The following DOCK4 variants were observed in gnomAD, a reference collection of about 807,000 sequenced individuals.
The protein encoded by DOCK4 is dedicator of cytokinesis 4, also known as dedicator of cytokinesis protein 4.
In DOCK4, 97 loss-of-function variants were observed where a neutral mutation model predicts 268.1. The observed-to-expected ratio is 0.36, with a 90% confidence interval of 0.31 to 0.43. The LOEUF is 0.43. DOCK4 is among the 20% of genes least tolerant of loss of function. The pLI, the probability that DOCK4 is intolerant of heterozygous loss-of-function variation, is 1.00. For synonymous variants in DOCK4, 954 were observed against 887.2 expected, an observed-to-expected ratio of 1.08 and a Z score of -1.34; for missense variants, 2,145 against 2,455.7, an observed-to-expected ratio of 0.87 and a Z score of 2.67.
intron 7 of DOCK4, among the ~76,000 whole-genome samples, chr7:111,980,203 C>G (rs1241574956): frequency 2.0e-5 from 3 of 152,184 alleles, no homozygotes; most frequent in Non-Finnish European, 4.4e-5. Context: ...ATCTGGCACA[C>G]TCTGGCACTG....
chr7:112,202,090 T>G (rs1820997571), intron 1 of DOCK4, among the ~76,000 whole-genome samples: 2 of 152,228 alleles, frequency 1.3e-5, no homozygotes, highest in African/African-American at 4.8e-5. Flanking sequence ...ATTCATCTGA[T>G]GATGGACACT....
intron 36 of DOCK4, among the ~76,000 whole-genome samples, chr7:111,774,477 C>A (rs1404260454): frequency 6.6e-6 from 1 of 151,044 alleles, no homozygotes; most frequent in African/African-American, 2.4e-5. Context: ...AAAAGCAAAA[C>A]AAAACAAAAA....
intron 1 of DOCK4, among the ~76,000 whole-genome samples, chr7:112,190,692 A>T (rs919982117): frequency 6.6e-6 from 1 of 152,152 alleles, no homozygotes; most frequent in Non-Finnish European, 1.5e-5. Context: ...AAAAAATTAA[A>T]GATTTTGTTT....
chr7:112,156,510 A>G (rs1816627592), intron 1 of DOCK4, among the ~76,000 whole-genome samples: 1 of 152,202 alleles, frequency 6.6e-6, no homozygotes, highest in Non-Finnish European at 1.5e-5. Flanking sequence ...CTGTTCTCTT[A>G]TCTTACCAAG....
intron 1 of DOCK4, among the ~76,000 whole-genome samples, chr7:112,146,457 T>C (rs927080361): frequency 6.6e-6 from 1 of 152,164 alleles, no homozygotes; most frequent in African/African-American, 2.4e-5. Context: ...TGAAGCCAGG[T>C]GCAGTGGCTC....
intron 1 of DOCK4, among the ~76,000 whole-genome samples, chr7:112,021,507 C>T (rs528544215): frequency 6.6e-6 from 1 of 152,272 alleles, no homozygotes; most frequent in African/African-American, 2.4e-5. Context: ...TTCCTGAGGC[C>T]ACTTACAGTG....
chr7:111,783,002 AAAAG>A (rs1259332832), intron 34 of DOCK4, 78 bp from the exon 35 acceptor site: 461 of 1,276,202 alleles, frequency 3.6e-4, no homozygotes, highest in South Asian at 4.1e-4. Context: ...TTGGGGGAAA[AAAAG>A]AAAGAAAGAA....
At chr7:111,801,132 G>A (rs975845167) in intron 30 of DOCK4, among the ~76,000 whole-genome samples, 21 of 152,096 alleles carry the variant, frequency 1.4e-4, no homozygotes, top group South Asian at 2.1e-4. Context: ...GGCCACCTCC[G>A]GATAACACCA....
chr7:111,843,670 G>T (rs1025223303), intron 25 of DOCK4, among the ~76,000 whole-genome samples: 1 of 151,976 alleles, frequency 6.6e-6, no homozygotes, highest in African/African-American at 2.4e-5. Flanking sequence ...TTATATTCCT[G>T]TATATATATA....
chr7:111,840,385 C>T (rs989056049), intron 25 of DOCK4, among the ~76,000 whole-genome samples: 7 of 152,104 alleles, frequency 4.6e-5, no homozygotes, highest in Admixed American at 6.6e-5. Flanking sequence ...GAGTTACGAA[C>T]GAGTAAGCAT....
intron 1 of DOCK4, among the ~76,000 whole-genome samples, chr7:112,048,755 C>T (rs1336701294): frequency 1.3e-5 from 2 of 151,608 alleles, no homozygotes; most frequent in East Asian, 1.9e-4. Context: ...TAGAATTCTA[C>T]ATCCAGTAGA....
At chr7:111,889,127 T>G (rs974754355) in intron 16 of DOCK4, among the ~76,000 whole-genome samples, 16 of 152,326 alleles carry the variant, frequency 1.1e-4, no homozygotes, top group Middle Eastern at 6.8e-3. Flanking sequence ...GATAGCTTAG[T>G]GTTTTCCCCC....
At chr7:111,929,613 A>G (rs1398878539) in intron 12 of DOCK4, among the ~76,000 whole-genome samples, 1 of 152,222 alleles carries the variant, frequency 6.6e-6, no homozygotes, top group East Asian at 1.9e-4. Flanking sequence ...GTGTGGACCC[A>G]AAAATGCAAC....
intron 17 of DOCK4, among the ~76,000 whole-genome samples, chr7:111,875,550 A>C (rs1806784312): frequency 6.6e-6 from 1 of 152,236 alleles, no homozygotes; most frequent in African/African-American, 2.4e-5. Flanking sequence ...CTGATTAAAG[A>C]TCTTAAAATA....
intron 1 of DOCK4, among the ~76,000 whole-genome samples, chr7:112,157,623 C>G (rs1816742240): frequency 6.6e-6 from 1 of 152,088 alleles, no homozygotes; most frequent in Non-Finnish European, 1.5e-5. Context: ...TGCTGATGAG[C>G]CTGAATAGAA....
At chr7:112,060,368 G>A (rs1204030718) in intron 1 of DOCK4, among the ~76,000 whole-genome samples, 3 of 152,166 alleles carry the variant, frequency 2.0e-5, no homozygotes, top group African/African-American at 7.2e-5. Context: ...TGCACTGTCG[G>A]TAGGAATGTA....
rs898379324 is a variant in DOCK4, at chr7:111,734,962, G to A, written c.5419+92C>T. The A allele has an allele frequency of 2.6e-5, 26 of 990,246 alleles. 1 individual carries two copies. The highest frequency in any genetic ancestry group is 1.0e-4 in the Admixed American group (5 of 48,502). 61.3% of individuals were successfully genotyped at this position (990,246 alleles called of 1,614,324 possible). A position where few individuals can be genotyped will look rare whatever the true frequency, so the allele number is the denominator to read the frequency against. On this transcript the variant is annotated intron_variant, in intron 51 of 52. Coordinates refer to ENST00000428084, the MANE Select transcript of DOCK4 (RefSeq NM_001363540.2). ...AAGGTTTTTATCCCAGAAATCAAAC[G>A]CCTACCTTTCTCTCAGGAATTCAGG...
chr7:112,036,656 CTTTTTT>C (rs57264652), intron 1 of DOCK4, among the ~76,000 whole-genome samples: 5 of 106,222 alleles, frequency 4.7e-5, no homozygotes, highest in Admixed American at 3.9e-4. Flanking sequence ...TAGAGGATTT[CTTTTTT>C]TTTTTTTTTT....
intron 1 of DOCK4, among the ~76,000 whole-genome samples, chr7:112,061,241 C>A (rs916912419): frequency 6.6e-6 from 1 of 152,184 alleles, no homozygotes; most frequent in African/African-American, 2.4e-5. Flanking sequence ...GCCCCACACA[C>A]AGAAGTGACT....
Sources: allele counts gnomAD v4.1 joint callset (sites outside exome capture counted in the v4.1 genomes callset), GRCh38; gene constraint gnomAD v4.1.1; transcripts MANE v1.5; gene names NCBI Gene and HGNC (gene_info 2026-07-23, HGNC 2026-07-21).